AMMECR1: variants seen among roughly 807,000 people sequenced by gnomAD.
AMMECR1 encodes the protein nuclear protein AMMECR1.
Under a neutral mutation model 22.5 loss-of-function variants are expected in AMMECR1, and 3 were observed. That is an observed-to-expected ratio of 0.13 (90% CI 0.06 to 0.35). The LOEUF is 0.35. Among genes scored for constraint, AMMECR1 ranks in the 10% least tolerant of loss-of-function variants. AMMECR1 has a pLI of 1.00. For missense variants in AMMECR1, 235 were observed against 278.7 expected (o/e 0.84, Z 1.12); for synonymous variants, 130 against 116.7 (o/e 1.11, Z -0.74).
At chrX:110,422,118 G>A (rs1205790467) in intron 2 of AMMECR1, among the ~76,000 whole-genome samples, 1 of 113,090 alleles carries the variant, frequency 8.8e-6, no homozygotes, top group African/African-American at 3.2e-5. Context: ...ACTTGGCATA[G>A]TGCCTGGCAC....
intron 1 of AMMECR1, among the ~76,000 whole-genome samples, chrX:110,428,645 A>G (rs1377392168): frequency 9.1e-6 from 1 of 110,153 alleles, no homozygotes; most frequent in African/African-American, 3.3e-5. Flanking sequence ...CAGTCACCCT[A>G]TCCCTCCCCT....
At chrX:110,330,335 C>T (rs1364742267) in intron 2 of AMMECR1, among the ~76,000 whole-genome samples, 2 of 111,524 alleles carry the variant, frequency 1.8e-5, no homozygotes, top group African/African-American at 6.5e-5. Context: ...CTTCCCTCCT[C>T]TCTTGGAAGA....
intron 2 of AMMECR1, among the ~76,000 whole-genome samples, chrX:110,408,206 G>A (rs2068616298): frequency 8.9e-6 from 1 of 112,566 alleles, no homozygotes; most frequent in African/African-American, 3.2e-5. Context: ...GGTGCTAGTA[G>A]CAAGGATGGG....
In AMMECR1 at chrX:110,429,410, C is replaced by T. The variant is rs141325527; in HGVS notation, c.-293-2607G>A. Among the ~76,000 whole-genome samples, 646 of 110,797 alleles carry T rather than the reference C, an allele frequency of 5.8e-3. 2 individuals are homozygous for T. The highest frequency in any genetic ancestry group is 0.02 in the African/African-American group (606 of 30,317). On this transcript the variant is annotated intron_variant, in intron 1 of 7. Transcript: ENST00000372057. Reference sequence around the variant, plus strand: ...AGCTATGCAACATTGAAGGAGTCACCTCACTTCTCTTTGCCATCTATAAAA... The same window carrying T: ...AGCTATGCAACATTGAAGGAGTCACTTCACTTCTCTTTGCCATCTATAAAA...
chrX:110,403,227 A>G (rs1244606361), intron 2 of AMMECR1, among the ~76,000 whole-genome samples: 1 of 112,244 alleles, frequency 8.9e-6, no homozygotes, highest in Non-Finnish European at 1.9e-5. Flanking sequence ...ACACATTGCA[A>G]ACCTCACAGA....
intron 3 of AMMECR1, among the ~76,000 whole-genome samples, chrX:110,203,560 G>C (rs779116115): frequency 9.0e-6 from 1 of 111,454 alleles, no homozygotes; most frequent in East Asian, 2.8e-4. Flanking sequence ...GGTTGCCTCA[G>C]ATCAATGGTT....
intron 2 of AMMECR1, 111 bp downstream of exon 2, chrX:110,264,378 A>G: frequency 2.2e-6 from 1 of 460,797 alleles, no homozygotes; most frequent in East Asian, 3.6e-5. Context: ...CCTGACATGA[A>G]GGAAGACAAG....
chrX:110,266,769 C>T (rs895911337), intron 1 of AMMECR1, among the ~76,000 whole-genome samples: 2 of 108,943 alleles, frequency 1.8e-5, no homozygotes, highest in Non-Finnish European at 3.8e-5. Context: ...ATACAGGGGC[C>T]ATGGTGGTTT....
intron 2 of AMMECR1, among the ~76,000 whole-genome samples, chrX:110,339,508 T>A (rs2068155484): frequency 9.1e-6 from 1 of 110,491 alleles, no homozygotes; most frequent in African/African-American, 3.3e-5. Flanking sequence ...TATTATTATT[T>A]TTTTGGAGAA....
rs918962436 is a variant in AMMECR1, at chrX:110,324,206, A to G, written c.-147-6357T>C. Among the ~76,000 whole-genome samples the G allele has an allele frequency of 4.5e-5, 5 of 110,595 alleles. No homozygotes were observed. In the Admixed American group the frequency reaches 4.8e-4, roughly 11 times the overall value. On this transcript the variant is annotated intron_variant, in intron 2 of 7. Coordinates refer to the AMMECR1 transcript ENST00000372057. ...GAGTCGAGGTTTCACCATATTGGCC[A>G]GGCTGGTCTCGAACTCCTGACCTCA...
At position 110,247,472 on chromosome X, in the gene AMMECR1, C is replaced by G. The variant is rs2067664216; in HGVS notation, c.584+17017G>C. Among the ~76,000 whole-genome samples, 4 of 112,218 alleles carry G rather than the reference C, an allele frequency of 3.6e-5. No individual in the cohort carries two copies. The Admixed American group carries it at 3.7e-4, about 11-fold the overall frequency. ...TTGGGAGGCCGAGGTGGGCAGATCA[C>G]TTGAACCCAGGAGTTGAAGACCAGC... On this transcript the variant is annotated intron_variant, in intron 2 of 5. Transcript: ENST00000262844.
chrX:110,307,976 C>A (rs1437584104), intron 1 of AMMECR1, among the ~76,000 whole-genome samples: 1 of 103,524 alleles, frequency 9.7e-6, no homozygotes, highest in African/African-American at 3.5e-5. Context: ...TTCAAGCAAT[C>A]CTCCTGCCTC....
chrX:110,315,341 T>C (rs918130532), intron 1 of AMMECR1, among the ~76,000 whole-genome samples: 1 of 112,128 alleles, frequency 8.9e-6, no homozygotes, highest in African/African-American at 3.2e-5. Context: ...CACTTGGTCA[T>C]GTTTAGTGTC....
intron 1 of AMMECR1, among the ~76,000 whole-genome samples, chrX:110,436,615 G>A (rs1042479980): frequency 8.9e-6 from 1 of 111,950 alleles, no homozygotes. Context: ...AACATGCTGA[G>A]GGCATGCCTG....
At chrX:110,256,110 C>A (rs1427385847) in intron 2 of AMMECR1, among the ~76,000 whole-genome samples, 1 of 111,772 alleles carries the variant, frequency 8.9e-6, no homozygotes, top group Non-Finnish European at 1.9e-5. Flanking sequence ...TGTATTTACA[C>A]AAACATAGAT....
intron 2 of AMMECR1, among the ~76,000 whole-genome samples, chrX:110,239,138 C>T (rs1284682661): frequency 2.7e-5 from 3 of 111,550 alleles, no homozygotes; most frequent in African/African-American, 9.8e-5. Context: ...CAGAACGCCT[C>T]TTCTCCTCCA....
At chrX:110,226,205 T>C (rs1386436434) in intron 2 of AMMECR1, among the ~76,000 whole-genome samples, 8 of 111,752 alleles carry the variant, frequency 7.2e-5, no homozygotes, top group African/African-American at 2.6e-4. Flanking sequence ...GTACTATACA[T>C]GCATTAAGTT....
At chrX:110,392,319 C>T (rs1194254584) in intron 2 of AMMECR1, among the ~76,000 whole-genome samples, 2 of 104,496 alleles carry the variant, frequency 1.9e-5, no homozygotes, top group Non-Finnish European at 3.9e-5. Context: ...CTCTATCACC[C>T]AGTCTGTGTG....
chrX:110,329,312 G>A (rs111960139), intron 2 of AMMECR1, among the ~76,000 whole-genome samples: 3,140 of 111,890 alleles, frequency 0.028, 116 homozygotes, highest in African/African-American at 0.098. Context: ...TGATGGGATT[G>A]TTTGTTTTAG....
Sources: gnomAD v4.1 joint callset for allele counts (sites outside exome capture counted in the v4.1 genomes callset) on GRCh38, gnomAD v4.1.1 for gene constraint, MANE v1.5 for transcripts, NCBI Gene and HGNC (gene_info 2026-07-23, HGNC 2026-07-21) for gene names.